The following PPP1CC variants were observed in gnomAD, a reference collection of about 807,000 sequenced individuals.
The protein encoded by PPP1CC is protein phosphatase 1 catalytic subunit gamma, also known as serine/threonine-protein phosphatase PP1-gamma catalytic subunit.
Under a neutral mutation model 38.4 loss-of-function variants are expected in PPP1CC, and 16 were observed. The ratio of observed to expected loss-of-function variants is 0.42; its 90% CI spans 0.28 to 0.63. PPP1CC has a LOEUF of 0.63. Among genes scored for constraint, PPP1CC ranks in the 30% least tolerant of loss-of-function variants. The probability of loss-of-function intolerance (pLI) is 0.25; values close to 1 mark genes in which losing one functional copy is unlikely to be tolerated. For synonymous variants in PPP1CC, 158 were observed against 136.0 expected, an observed-to-expected ratio of 1.16 and a Z score of -1.13; for missense variants, 170 against 391.3, an observed-to-expected ratio of 0.43 and a Z score of 4.77.
At chr12:110,742,340 C>T (rs904924470) in intron 1 of PPP1CC, among the ~76,000 whole-genome samples, 3 of 149,586 alleles carry the variant, frequency 2.0e-5, no homozygotes, top group African/African-American at 4.9e-5. Flanking sequence ...GTCCAGTGCG[C>T]GGGGGCAAAC....
intron 3 of PPP1CC, among the ~76,000 whole-genome samples, chr12:110,729,977 G>A (rs2069853538): frequency 1.3e-5 from 2 of 152,230 alleles, no homozygotes; most frequent in Admixed American, 1.3e-4. Context: ...CCATTACCAT[G>A]ATCATTACTT....
In PPP1CC at chr12:110,720,051, A is replaced by T. The variant is rs1433862566; in HGVS notation, c.*1025T>A. 2.5e-6 allele frequency: 3 copies of T among 1,220,004 alleles called. No individual in the cohort carries two copies. Among genetic ancestry groups the T allele is most frequent in the Admixed American group, 2.2e-5 (1 of 45,164 alleles). 75.6% of individuals were successfully genotyped at this position (1,220,004 alleles called of 1,614,324 possible). A position where few individuals can be genotyped will look rare whatever the true frequency, so the allele number is the denominator to read the frequency against. On this transcript the variant is annotated 3_prime_UTR_variant, in exon 7 of 7. Coordinates refer to ENST00000335007, the MANE Select transcript of PPP1CC (RefSeq NM_002710.4). ...GTGAGTTCTGTATAAACTGGTGGACAGTAAGTTAGTTCCTTTGTTTTAACT... is the reference window on the plus strand; with the variant it reads ...GTGAGTTCTGTATAAACTGGTGGACTGTAAGTTAGTTCCTTTGTTTTAACT...
intron 4 of PPP1CC, among the ~76,000 whole-genome samples, chr12:110,723,687 T>C (rs1157530076): frequency 1.3e-5 from 2 of 152,238 alleles, no homozygotes; most frequent in Middle Eastern, 3.4e-3. Context: ...CTTTTACAAC[T>C]TTTTCTAATG....
the PPP1CC span, among the ~76,000 whole-genome samples, chr12:110,710,148 A>C: frequency 5.3e-5 from 8 of 152,072 alleles, no homozygotes; most frequent in East Asian, 1.5e-3. Context: ...GAAAAAAACA[A>C]GATGTTAAAG....
intron 1 of PPP1CC, among the ~76,000 whole-genome samples, chr12:110,733,809 T>C (rs908420994): frequency 2.0e-5 from 3 of 152,200 alleles, no homozygotes; most frequent in African/African-American, 7.2e-5. Context: ...TAAGATTAGA[T>C]GCAGCTTTTC....
chr12:110,728,916 T>C (rs1034730522), intron 3 of PPP1CC, among the ~76,000 whole-genome samples: 3 of 152,214 alleles, frequency 2.0e-5, no homozygotes, highest in Non-Finnish European at 4.4e-5. Flanking sequence ...ACAAATGTGC[T>C]AGCTCAACAT....
chr12:110,730,412 G>T, intron 3 of PPP1CC, 117 bp downstream of exon 3: 2 of 833,776 alleles, frequency 2.4e-6, no homozygotes, highest in Non-Finnish European at 1.8e-6. Flanking sequence ...TAGAAAACAT[G>T]AGAGATGATA....
the PPP1CC span, among the ~76,000 whole-genome samples, chr12:110,709,222 T>C: frequency 3.9e-5 from 6 of 152,094 alleles, no homozygotes; most frequent in Non-Finnish European, 7.4e-5. Context: ...TTATTATATT[T>C]AGAGAAATAA....
the PPP1CC span, among the ~76,000 whole-genome samples, chr12:110,709,838 C>T: frequency 0.092 from 13,976 of 151,462 alleles, 723 homozygotes; most frequent in African/African-American, 0.12. Context: ...TGAGCTACTG[C>T]GCCTGGTCAA....
the PPP1CC span, among the ~76,000 whole-genome samples, chr12:110,712,040 A>G: frequency 2.0e-5 from 3 of 152,216 alleles, no homozygotes; most frequent in Admixed American, 2.0e-4. Context: ...AGACTATAAT[A>G]CCATATTTTT....
At chr12:110,735,383 A>C (rs2069931661) in intron 1 of PPP1CC, among the ~76,000 whole-genome samples, 2 of 152,146 alleles carry the variant, frequency 1.3e-5, no homozygotes, top group African/African-American at 2.4e-5. Flanking sequence ...TTTTACAGTG[A>C]CTTAGTCCAA....
the PPP1CC span, among the ~76,000 whole-genome samples, chr12:110,708,757 G>A: frequency 1.3e-5 from 2 of 149,306 alleles, no homozygotes; most frequent in Non-Finnish European, 3.0e-5. Context: ...GCTGAGACAG[G>A]AAAATTGCTT....
At chr12:110,715,518 C>T (rs116553658), downstream of PPP1CC, among the ~76,000 whole-genome samples, 1,338 of 151,924 alleles carry the variant, frequency 8.8e-3, 37 homozygotes, top group African/African-American at 0.031. Flanking sequence ...TTAATAGAGA[C>T]GGGGTGTCAC....
At position 110,722,688 on chromosome 12, in the gene PPP1CC, T is replaced by G. The variant is rs1304866123; in HGVS notation, c.531A>C (p.Ser177=). ...TCTGCTCCATAGATTGAAGATCTGG[T>G]GATAAACCTATTCAATGAGGAAAAA... ...EKIFCCHGGL[S]PDLQSMEQIR... Residue 177 remains serine, a synonymous_variant, in exon 5 of 7, where the codon TCA becomes TCC. Transcript: ENST00000335007. This position sits in a 1 kb window ranked among gnomAD's most constrained non-coding sequence, Gnocchi z 5.4. The G allele has an allele frequency of 1.2e-6, 2 of 1,605,316 alleles. No individual in the cohort carries two copies. The highest frequency in any genetic ancestry group is 2.7e-5 in the African/African-American group (2 of 74,210).
downstream of PPP1CC, among the ~76,000 whole-genome samples, chr12:110,716,358 T>G (rs977911700): frequency 2.1e-5 from 3 of 145,592 alleles, no homozygotes; most frequent in Non-Finnish European, 3.0e-5. Context: ...AGTTTTAACT[T>G]TTTTTTTTTT....
rs1212200322 is a variant in PPP1CC at position 110,722,221 on chromosome 12, G to A, written c.796C>T (p.Leu266=). The A allele has an allele frequency of 1.9e-6, 3 of 1,614,156 alleles. No individual in the cohort carries two copies. The highest frequency in any genetic ancestry group is 2.5e-6 in the Non-Finnish European group (3 of 1,180,016). Residue 266 remains leucine (L), a synonymous_variant, in exon 6 of 7, where the codon CTG becomes TTG. Coordinates refer to ENST00000335007, the MANE Select transcript of PPP1CC (RefSeq NM_002710.4). This position sits in a 1 kb window ranked among gnomAD's most constrained non-coding sequence, Gnocchi z 5.4. Reference sequence around the variant, plus strand: ...CCGCAATAATTGGGCGCAGAAAACAGAGTGACCAACTGCCTCTTTGCAAAA... The same window carrying A: ...CCGCAATAATTGGGCGCAGAAAACAAAGTGACCAACTGCCTCTTTGCAAAA... ...EFFAKRQLVT[L]FSAPNYCGEF... is the part of the protein sequence containing the mutation.
chr12:110,739,210 A>G (rs2069983239), intron 1 of PPP1CC, among the ~76,000 whole-genome samples: 1 of 152,112 alleles, frequency 6.6e-6, no homozygotes, highest in South Asian at 2.1e-4. Context: ...CAGGGGGCTG[A>G]GACACCAAAA....
chr12:110,719,731 A>C lies in PPP1CC; in HGVS notation c.*1345T>G, dbSNP rs577505095. On this transcript the variant is annotated 3_prime_UTR_variant, in exon 7 of 7. Transcript: ENST00000335007. The stretch of plus-strand genomic sequence containing the variant: ...AATAGATGTCTCCAGGTTACAACTC[A>C]AAGAGTATTAGTATCTGTATTATAA... 8.5e-5 allele frequency: 14 copies of C among 165,486 alleles called. No individual in the cohort carries two copies. Among genetic ancestry groups the C allele is most frequent in the African/African-American group, 2.9e-4 (12 of 41,854 alleles). The allele number at this position is 165,486 out of a possible 1,614,324, so 10.3% of individuals were successfully genotyped here.
intron 3 of PPP1CC, among the ~76,000 whole-genome samples, chr12:110,728,718 T>C (rs2069837759): frequency 6.6e-6 from 1 of 152,182 alleles, no homozygotes; most frequent in Admixed American, 6.5e-5. Context: ...ATTGAATACC[T>C]TTCATGTACA....
Sources: allele counts gnomAD v4.1 joint callset (sites outside exome capture counted in the v4.1 genomes callset), GRCh38; gene constraint gnomAD v4.1.1; non-coding constraint Gnocchi (gnomAD v3.1); transcripts MANE v1.5; gene names NCBI Gene and HGNC (gene_info 2026-07-23, HGNC 2026-07-21).